TMEM156: variants seen among roughly 807,000 people sequenced by gnomAD.
TMEM156 encodes transmembrane protein 156.
A neutral mutation model predicts 30.5 loss-of-function variants in TMEM156; 28 were observed. The observed-to-expected ratio is 0.92, with a 90% confidence interval of 0.68 to 1.26. TMEM156 has a LOEUF of 1.26. Among genes scored for constraint, TMEM156 ranks in the 50% most tolerant of loss-of-function variants. The pLI, the probability that TMEM156 is intolerant of heterozygous loss-of-function variation, is 0.00. For synonymous variants in TMEM156, 137 were observed against 119.9 expected, an observed-to-expected ratio of 1.14 and a Z score of -0.93; for missense variants, 351 against 340.6, an observed-to-expected ratio of 1.03 and a Z score of -0.24.
chr4:39,006,372 C>T lies in TMEM156; in HGVS notation c.89-7463G>A, dbSNP rs144654220. Among the ~76,000 whole-genome samples the T allele has an allele frequency of 1.7e-4, 26 of 152,112 alleles. No homozygotes were observed. The East Asian group carries it at 1.9e-3, about 11-fold the overall frequency. On this transcript the variant is annotated intron_variant, in intron 1 of 6. Coordinates refer to ENST00000381938, the MANE Select transcript of TMEM156 (RefSeq NM_024943.3). ...TTAATTAATGTTTAGAAGTTATTTA[C>T]GTTTTCTGCTTAAAATTTCAATGAA...
chr4:39,014,472 G>T (rs1214301195), intron 1 of TMEM156, among the ~76,000 whole-genome samples: 2 of 152,060 alleles, frequency 1.3e-5, no homozygotes, highest in African/African-American at 4.8e-5. Flanking sequence ...GCAAAAATCA[G>T]CAAGAGCCAG....
At chr4:38,982,196 C>G (rs1711613037) in intron 5 of TMEM156, among the ~76,000 whole-genome samples, 1 of 152,210 alleles carries the variant, frequency 6.6e-6, no homozygotes, top group Non-Finnish European at 1.5e-5. Flanking sequence ...ATGCTGGATG[C>G]TTCCTGCCTT....
chr4:39,030,416 A>G (rs968422511), intron 1 of TMEM156, among the ~76,000 whole-genome samples: 2 of 152,158 alleles, frequency 1.3e-5, no homozygotes, highest in Non-Finnish European at 2.9e-5. Flanking sequence ...AAGTTTGGCT[A>G]AGATGGATTT....
chr4:38,968,832 C>T (rs1023937264), intron 6 of TMEM156, among the ~76,000 whole-genome samples: 2 of 152,146 alleles, frequency 1.3e-5, no homozygotes, highest in African/African-American at 4.8e-5. Context: ...CTTTGGCTGC[C>T]TCTCCCAATC....
intron 3 of TMEM156, among the ~76,000 whole-genome samples, chr4:38,990,809 GT>G (rs1408146550): frequency 3.3e-5 from 4 of 119,486 alleles, no homozygotes; most frequent in Non-Finnish European, 7.3e-5. Context: ...CTGTTGCTTT[GT>G]TTTTTTGGTT....
At chr4:39,029,306 A>T (rs1167293313) in intron 1 of TMEM156, among the ~76,000 whole-genome samples, 1 of 152,124 alleles carries the variant, frequency 6.6e-6, no homozygotes, top group Non-Finnish European at 1.5e-5. Context: ...ACAAGAAACG[A>T]ATGGAGTAAG....
chr4:39,017,171 C>CTTTTTTTT lies in TMEM156; in HGVS notation c.88+15047_88+15054dup, dbSNP rs1159565890. Among the ~76,000 whole-genome samples the CTTTTTTTT allele has an allele frequency of 3.8e-4, 35 of 91,290 alleles. 1 individual carries two copies. The highest frequency in any genetic ancestry group is 1.1e-3 in the African/African-American group (24 of 22,418). The allele number at this position is 91,290 out of a possible 152,430, so 59.9% of individuals were successfully genotyped here. A position where few individuals can be genotyped will look rare whatever the true frequency, so the allele number is the denominator to read the frequency against. On this transcript the variant is annotated intron_variant, in intron 1 of 6. Coordinates refer to ENST00000381938, the MANE Select transcript of TMEM156 (RefSeq NM_024943.3). ...AAACCATATCAAGTATGTATTTCTT[C>CTTTTTTTT]TTTTTTTTTTTTTTTTTTTTTGAGA...
chr4:39,028,213 T>C, intron 1 of TMEM156, among the ~76,000 whole-genome samples: 1 of 152,322 alleles, frequency 6.6e-6, no homozygotes, highest in Admixed American at 6.5e-5. Flanking sequence ...TTATCCTGTA[T>C]TGCCACAAAT....
rs866394014 is a variant in TMEM156 at position 38,994,028 on chromosome 4, C to A, written c.359-30G>T. ...AAAGTGATTAAGAAAATGTTATTTG[C>A]AAAATATTAATACATAGCAAGAAAA... On this transcript the variant is annotated intron_variant, in intron 2 of 6. Transcript: ENST00000381938. 69 of 1,586,748 alleles carry A rather than the reference C, an allele frequency of 4.3e-5. 2 individuals carry two copies. The Middle Eastern group carries it at 7.2e-3, about 165-fold the overall frequency.
intron 1 of TMEM156, among the ~76,000 whole-genome samples, chr4:39,012,058 A>G (rs1714160676): frequency 6.6e-6 from 1 of 152,190 alleles, no homozygotes; most frequent in African/African-American, 2.4e-5. Context: ...AAAACTACCT[A>G]TTGGGTAATA....
intron 2 of TMEM156, 97 bp downstream of exon 2, chr4:38,998,543 C>CA (rs199767864): frequency 0.057 from 52,664 of 922,212 alleles, 9 homozygotes; most frequent in Middle Eastern, 0.062. Flanking sequence ...GACTCCATCT[C>CA]AAAAAAAAAA....
chr4:39,019,542 T>C (rs1224586275), intron 1 of TMEM156, among the ~76,000 whole-genome samples: 1 of 152,188 alleles, frequency 6.6e-6, no homozygotes, highest in Non-Finnish European at 1.5e-5. Flanking sequence ...AATAAACGAC[T>C]CTGTTTGTCC....
chr4:39,032,151 C>A, intron 1 of TMEM156, 75 bp downstream of exon 1: 1 of 915,066 alleles, frequency 1.1e-6, no homozygotes, highest in South Asian at 1.5e-5. Context: ...AAAAGAGGAT[C>A]TTTTCTGTAA....
chr4:38,998,748 T>A lies in TMEM156; in HGVS notation c.250A>T (p.Thr84Ser), dbSNP rs554293623. The A allele has an allele frequency of 6.2e-7, 1 of 1,613,870 alleles. No individual in the cohort carries two copies. Among genetic ancestry groups the A allele is most frequent in the South Asian group, 1.1e-5 (1 of 91,076 alleles). ...FLNPSNFRNF[T>S]RTCQDITGEF... The stretch of plus-strand genomic sequence containing the variant: ...CCTGTGATGTCTTGGCAAGTCCTGG[T>A]GAAGTTACGAAAATTGGAGGGATTT... The change falls in exon 2 of 7, where the codon ACC becomes TCC. Residue 84 changes from threonine (T) to serine (S), a missense_variant. Coordinates refer to ENST00000381938, the MANE Select transcript of TMEM156 (RefSeq NM_024943.3).
chr4:38,992,974 G>A (rs1184947348), intron 3 of TMEM156, among the ~76,000 whole-genome samples: 8 of 150,578 alleles, frequency 5.3e-5, no homozygotes, highest in African/African-American at 2.0e-4. Flanking sequence ...TGTTAGCCAG[G>A]ATGGTCTCGA....
chr4:38,990,843 T>TTA (rs1712394215), intron 3 of TMEM156, among the ~76,000 whole-genome samples: 1 of 114,748 alleles, frequency 8.7e-6, no homozygotes, highest in Non-Finnish European at 2.0e-5. Context: ...TTTTTTTTTT[T>TTA]TTTTTTTTTT....
intron 4 of TMEM156, among the ~76,000 whole-genome samples, chr4:38,988,549 A>G (rs1355213047): frequency 6.6e-6 from 1 of 151,962 alleles, no homozygotes; most frequent in Non-Finnish European, 1.5e-5. Context: ...CTTTATCCCC[A>G]CTTCCTGTTC....
At chr4:38,973,349 T>C (rs1447476811) in intron 5 of TMEM156, among the ~76,000 whole-genome samples, 1 of 152,208 alleles carries the variant, frequency 6.6e-6, no homozygotes, top group Admixed American at 6.5e-5. Context: ...AAGAACATGA[T>C]ACATTTTTCC....
chr4:39,013,688 T>A (rs1714284659), intron 1 of TMEM156, among the ~76,000 whole-genome samples: 1 of 151,982 alleles, frequency 6.6e-6, no homozygotes, highest in Admixed American at 6.6e-5. Flanking sequence ...TCATGAGCCA[T>A]CGCGCCCGGC....
Sources: gnomAD v4.1 joint callset for allele counts (sites outside exome capture counted in the v4.1 genomes callset) on GRCh38, gnomAD v4.1.1 for gene constraint, MANE v1.5 for transcripts, NCBI Gene and HGNC (gene_info 2026-07-23, HGNC 2026-07-21) for gene names.